Variants in N4BP2 observed in about 807,000 individuals in gnomAD.
N4BP2 encodes the protein NEDD4 binding protein 2, also known as NEDD4-binding protein 2.
A neutral mutation model predicts 152.8 loss-of-function variants in N4BP2; 91 were observed. The ratio of observed to expected loss-of-function variants is 0.60; its 90% CI spans 0.50 to 0.71. The LOEUF (loss-of-function observed/expected upper bound fraction) is 0.71, where lower values mean the gene tolerates loss of function less well. Among genes scored for constraint, N4BP2 ranks in the 30% least tolerant of loss-of-function variants. The pLI is 0.00. For missense variants in N4BP2, 1,923 were observed against 2,059.1 expected (o/e 0.93, Z 1.28); for synonymous variants, 646 against 705.3 (o/e 0.92, Z 1.33).
intron 16 of N4BP2, among the ~76,000 whole-genome samples, chr4:40,147,920 T>G (rs1167830580): frequency 5.8e-5 from 8 of 136,958 alleles, no homozygotes; most frequent in African/African-American, 2.3e-4. Flanking sequence ...CTCCCCACAT[T>G]TCAGACGATG....
chr4:40,181,958 G>T, the N4BP2 span, among the ~76,000 whole-genome samples: 1 of 152,122 alleles, frequency 6.6e-6, no homozygotes, highest in African/African-American at 2.4e-5. Flanking sequence ...CCAAAAAAGA[G>T]AAAGGACAAA....
the N4BP2 span, among the ~76,000 whole-genome samples, chr4:40,169,212 G>T: frequency 9.9e-5 from 15 of 151,606 alleles, no homozygotes; most frequent in Middle Eastern, 3.4e-3. Flanking sequence ...GAGAAACCCC[G>T]CCTTTACTAA....
At chr4:40,092,008 T>TATA (rs1491368293) in intron 2 of N4BP2, among the ~76,000 whole-genome samples, 27 of 27,192 alleles carry the variant, frequency 9.9e-4, no homozygotes, top group South Asian at 2.2e-3. Flanking sequence ...AAAAAAAAAA[T>TATA]TATATATATA....
In N4BP2 at chr4:40,103,118, AC is replaced by A; in HGVS notation, c.1277del (p.Pro426GlnfsTer6). The part of the protein sequence containing the change: ...DGTSAYQVQE[T>X]PVSQVVRKKT... ...AACAAGTGCTTATCAAGTACAAGAA[AC>A]CCCAGTTTCTCAGGTTGTAAGAAAG... On this transcript the variant is annotated frameshift_variant, in exon 4 of 18. Transcript: ENST00000261435. LOFTEE classifies it high-confidence loss of function. The A allele has an allele frequency of 1.2e-6, 2 of 1,614,040 alleles. No individual in the cohort carries two copies. Among genetic ancestry groups the A allele is most frequent in the South Asian group, 2.2e-5 (2 of 91,062 alleles).
chr4:40,124,271 AC>A, intron 11 of N4BP2, 66 bp downstream of exon 11: 3 of 1,225,054 alleles, frequency 2.4e-6, no homozygotes. Context: ...TTGAATTTTA[AC>A]TCATTCTAAA....
At chr4:40,136,594 C>G (rs1365668081) in intron 13 of N4BP2, among the ~76,000 whole-genome samples, 1 of 152,182 alleles carries the variant, frequency 6.6e-6, no homozygotes, top group African/African-American at 2.4e-5. Context: ...ACCATGTTGG[C>G]CAGGCTAGTC....
At chr4:40,178,668 C>T in the N4BP2 span, among the ~76,000 whole-genome samples, 2 of 152,184 alleles carry the variant, frequency 1.3e-5, no homozygotes, top group Non-Finnish European at 2.9e-5. Context: ...AATAAGTTGC[C>T]CAGGACAAAA....
intron 6 of N4BP2, among the ~76,000 whole-genome samples, chr4:40,112,699 T>C (rs2732058): frequency 0.78 from 118,911 of 151,504 alleles, 46,873 homozygotes; most frequent in East Asian, 0.97. Flanking sequence ...TCTTTTTTGC[T>C]CACCTTTTTT....
At chr4:40,148,476 G>A (rs1029054336) in intron 16 of N4BP2, among the ~76,000 whole-genome samples, 8 of 147,902 alleles carry the variant, frequency 5.4e-5, no homozygotes, top group African/African-American at 2.0e-4. Flanking sequence ...GGGAGAGGGA[G>A]AGGGGGAGGG....
chr4:40,079,866 A>G (rs1713178029), intron 2 of N4BP2, among the ~76,000 whole-genome samples: 1 of 152,182 alleles, frequency 6.6e-6, no homozygotes, highest in Non-Finnish European at 1.5e-5. Flanking sequence ...TTATGATGAT[A>G]ATCAGTGAGC....
At chr4:40,057,364 C>G (rs1416116239) in intron 1 of N4BP2, among the ~76,000 whole-genome samples, 1 of 152,234 alleles carries the variant, frequency 6.6e-6, no homozygotes, top group Non-Finnish European at 1.5e-5. Context: ...TCTCGACCCC[C>G]CGAGGTTTCC....
At chr4:40,092,926 G>A (rs559728717) in intron 2 of N4BP2, among the ~76,000 whole-genome samples, 1 of 150,432 alleles carries the variant, frequency 6.6e-6, no homozygotes, top group Admixed American at 6.6e-5. Flanking sequence ...TTACAGGCAT[G>A]AGCCACCGTG....
intron 2 of N4BP2, among the ~76,000 whole-genome samples, chr4:40,074,550 A>G (rs183542054): frequency 6.6e-6 from 1 of 152,262 alleles, no homozygotes; most frequent in African/African-American, 2.4e-5. Flanking sequence ...TTGAGGGACT[A>G]AAAAAACACC....
chr4:40,096,534 A>T (rs1035766374), intron 2 of N4BP2, among the ~76,000 whole-genome samples: 3 of 152,112 alleles, frequency 2.0e-5, no homozygotes, highest in Non-Finnish European at 2.9e-5. Context: ...TTAGGGAGCT[A>T]GTGGATAGTT....
At chr4:40,125,331 C>T (rs968815358) in intron 11 of N4BP2, among the ~76,000 whole-genome samples, 1 of 152,198 alleles carries the variant, frequency 6.6e-6, no homozygotes, top group Non-Finnish European at 1.5e-5. Flanking sequence ...TTGTTGTGAA[C>T]TTCCTAGAAT....
At chr4:40,103,314 C>G (rs186957642) in intron 4 of N4BP2, 96 bp downstream of exon 4, 1 of 1,015,900 alleles carries the variant, frequency 9.8e-7, no homozygotes, top group Non-Finnish European at 1.4e-6. Flanking sequence ...TAGTAGAGAT[C>G]TTTAGTAACC....
intron 16 of N4BP2, among the ~76,000 whole-genome samples, chr4:40,148,421 G>A (rs377711369): frequency 3.3e-5 from 5 of 151,562 alleles, no homozygotes; most frequent in East Asian, 2.0e-4. Context: ...GCTTCGGCTC[G>A]GCATCAGAGG....
intron 1 of N4BP2, among the ~76,000 whole-genome samples, chr4:40,072,644 C>A (rs368059826): frequency 2.0e-5 from 3 of 151,812 alleles, no homozygotes; most frequent in Admixed American, 6.6e-5. Context: ...CCTGTACCCC[C>A]CCAGGCCTCC....
At chr4:40,185,496 A>G in the N4BP2 span, among the ~76,000 whole-genome samples, 5 of 152,324 alleles carry the variant, frequency 3.3e-5, no homozygotes, top group South Asian at 1.0e-3. Flanking sequence ...ATTAGAGAAC[A>G]AAAACAATTT....
Sources: gnomAD v4.1 joint callset for allele counts (sites outside exome capture counted in the v4.1 genomes callset) on GRCh38, gnomAD v4.1.1 for gene constraint, MANE v1.5 for transcripts, NCBI Gene and HGNC (gene_info 2026-07-23, HGNC 2026-07-21) for gene names.